The following ADGRG5 variants were observed in gnomAD, a reference collection of about 807,000 sequenced individuals.
ADGRG5 encodes the protein G protein-coupled receptor 114.
Under a neutral mutation model 53.2 loss-of-function variants are expected in ADGRG5, and 37 were observed. The observed-to-expected ratio is 0.70, with a 90% confidence interval of 0.53 to 0.91. The LOEUF (loss-of-function observed/expected upper bound fraction) is 0.91, where lower values mean the gene tolerates loss of function less well. ADGRG5 is among the 40% of genes least tolerant of loss of function. The pLI is 0.00. For missense variants in ADGRG5, 614 were observed against 675.8 expected (o/e 0.91, Z 1.01); for synonymous variants, 277 against 290.4 (o/e 0.95, Z 0.47).
Position 57,566,647 on chromosome 16 carries a change from C to T in ADGRG5, c.595C>T (p.Gln199Ter). Residue 199 changes from glutamine to a stop codon, truncating the protein, a stop_gained, in exon 7 of 12, where the codon CAG (glutamine) becomes TAG (stop). Transcript: ENST00000349457. LOFTEE classifies it high-confidence loss of function. ...CTTCTGGAAGGAGGGAGCCAGGAAA[C>T]AGCCCTGGGGGGGCTGGAGCCCTGA... ...CVFWKEGARK[Q>*]PWGGWSPEGC... 6.3e-7 allele frequency: 1 copy of T among 1,585,132 alleles called. No individual in the cohort carries two copies. Among genetic ancestry groups the T allele is most frequent in the Non-Finnish European group, 8.6e-7 (1 of 1,166,988 alleles).
the ADGRG5 span, among the ~76,000 whole-genome samples, chr16:57,534,977 G>C: frequency 1.3e-5 from 2 of 152,232 alleles, no homozygotes; most frequent in African/African-American, 4.8e-5. Context: ...ACAGGGGCCA[G>C]CTGAAGGGAT....
intron 10 of ADGRG5, among the ~76,000 whole-genome samples, chr16:57,573,775 G>T (rs12102982): frequency 0.061 from 9,235 of 152,230 alleles, 558 homozygotes; most frequent in East Asian, 0.34. Flanking sequence ...AGGCTAGAGT[G>T]CAGTGGTGCG....
rs763377066 is a variant in ADGRG5, at chr16:57,566,655, G to T, written c.603G>T (p.Trp201Cys). Residue 201 changes from tryptophan to cysteine, a missense_variant, in exon 7 of 12, where the codon TGG (tryptophan) becomes TGT (cysteine). By Grantham distance (215) the Trp-to-Cys change is radical. Coordinates refer to ENST00000349457, the MANE Select transcript of ADGRG5 (RefSeq NM_001304376.3). ...AGGAGGGAGCCAGGAAACAGCCCTG[G>T]GGGGGCTGGAGCCCTGAGGGCTGTC... ...FWKEGARKQP[W>C]GGWSPEGCRT... 6.9e-6 allele frequency: 11 copies of T among 1,590,192 alleles called. No individual in the cohort carries two copies. The highest frequency in any genetic ancestry group is 8.6e-6 in the Non-Finnish European group (10 of 1,169,274).
chr16:57,568,713 C>A (rs1430404719), intron 9 of ADGRG5, among the ~76,000 whole-genome samples: 2 of 151,570 alleles, frequency 1.3e-5, no homozygotes, highest in Non-Finnish European at 2.9e-5. Context: ...TCATCACCTC[C>A]TCAACCTCCA....
rs1450694545 is a variant in ADGRG5 at position 57,568,007 on chromosome 16, C to A, written c.973C>A (p.Leu325Met). The change falls in exon 9 of 12, where the codon CTG becomes ATG. Residue 325 changes from leucine to methionine, a missense_variant. Coordinates refer to ENST00000349457, the MANE Select transcript of ADGRG5 (RefSeq NM_001304376.3). The stretch of plus-strand genomic sequence containing the variant: ...TCTGGCCGCTGCCCTGCACTACGCG[C>A]TGCTCAGCTGCCTCACCTGGATGGC... ...TALAAALHYA[L>M]LSCLTWMAIE... 2.5e-6 allele frequency: 4 copies of A among 1,614,064 alleles called. No homozygotes were observed. The highest frequency in any genetic ancestry group is 2.5e-6 in the Non-Finnish European group (3 of 1,179,966).
At position 57,569,623 on chromosome 16, in the gene ADGRG5, A is replaced by G. The variant is rs1212099398; in HGVS notation, c.1091-795A>G. On this transcript the variant is annotated intron_variant, in intron 9 of 11. Transcript: ENST00000349457. ...CTCCTCCACCTCTATCATCGCCATC[A>G]TCACCTCCTCCACCTTCATCATCAC... 2.7e-5 allele frequency among the ~76,000 whole-genome samples: 4 copies of G among 149,236 alleles called. 1 individual carries two copies. The highest frequency in any genetic ancestry group is 5.9e-5 in the Non-Finnish European group (4 of 67,452).
chr16:57,559,239 A>G (rs1164013408), intron 1 of ADGRG5, among the ~76,000 whole-genome samples: 1 of 152,190 alleles, frequency 6.6e-6, no homozygotes. Context: ...GCTTTATAGC[A>G]GGTCAGGGAC....
chr16:57,538,818 C>T (rs1174156046), upstream of ADGRG5, among the ~76,000 whole-genome samples: 2 of 152,292 alleles, frequency 1.3e-5, no homozygotes, highest in East Asian at 1.9e-4. Flanking sequence ...CCCTTATTTA[C>T]CTAGCATTTT....
At chr16:57,551,636 T>C (rs1306706767) in intron 1 of ADGRG5, among the ~76,000 whole-genome samples, 2 of 152,232 alleles carry the variant, frequency 1.3e-5, no homozygotes, top group African/African-American at 2.4e-5. Flanking sequence ...CTGTAATTAC[T>C]TTCCCCACTG....
At chr16:57,546,247 C>A (rs1387177482) in intron 1 of ADGRG5, among the ~76,000 whole-genome samples, 1 of 152,144 alleles carries the variant, frequency 6.6e-6, no homozygotes, top group Non-Finnish European at 1.5e-5. Flanking sequence ...CCTCAGCATC[C>A]CAAGCAGCTG....
chr16:57,552,755 T>A (rs1007373807), intron 1 of ADGRG5, among the ~76,000 whole-genome samples: 1 of 152,238 alleles, frequency 6.6e-6, no homozygotes, highest in Non-Finnish European at 1.5e-5. Flanking sequence ...TGTGAACTGT[T>A]CGGTGCAGGA....
the ADGRG5 span, among the ~76,000 whole-genome samples, chr16:57,532,867 C>T: frequency 2.0e-5 from 3 of 152,186 alleles, no homozygotes; most frequent in Admixed American, 6.5e-5. Context: ...GAATGCCAGC[C>T]GGCAGCTGTG....
intron 1 of ADGRG5, among the ~76,000 whole-genome samples, chr16:57,548,176 C>T (rs1322899188): frequency 7.1e-6 from 1 of 141,710 alleles, no homozygotes; most frequent in African/African-American, 2.6e-5. Flanking sequence ...CTATACACAT[C>T]TTTTTTTTTT....
chr16:57,563,994 G>A lies in ADGRG5; in HGVS notation c.429+15G>A, dbSNP rs375865051. On this transcript the variant is annotated intron_variant, in intron 5 of 11. Transcript: ENST00000349457. Reference sequence around the variant, plus strand: ...ACTTTTTCAAGGTCAGTGTGATGGCGGGCCAAGGAGGGTGGGTGCCGGCCC... The same window carrying A: ...ACTTTTTCAAGGTCAGTGTGATGGCAGGCCAAGGAGGGTGGGTGCCGGCCC... 126 of 1,605,120 alleles carry A rather than the reference G, an allele frequency of 7.8e-5. No individual in the cohort carries two copies. Among genetic ancestry groups the A allele is most frequent in the Non-Finnish European group, 9.8e-5 (115 of 1,173,036 alleles).
intron 1 of ADGRG5, among the ~76,000 whole-genome samples, chr16:57,558,384 A>C (rs1236734458): frequency 1.3e-5 from 2 of 152,180 alleles, no homozygotes; most frequent in Non-Finnish European, 2.9e-5. Context: ...TCCCACAGGA[A>C]TTTTCCCAGT....
chr16:57,536,235 G>T, the ADGRG5 span, among the ~76,000 whole-genome samples: 1 of 149,820 alleles, frequency 6.7e-6, no homozygotes, highest in Non-Finnish European at 1.5e-5. Flanking sequence ...CCCGGGCCGC[G>T]GCATTCCGGA....
At position 57,567,847 on chromosome 16, in the gene ADGRG5, C is replaced by A. The variant is rs780926221; in HGVS notation, c.822-9C>A. 2.0e-5 allele frequency: 32 copies of A among 1,604,402 alleles called. No homozygotes were observed. Among genetic ancestry groups the A allele is most frequent in the Non-Finnish European group, 2.7e-5 (32 of 1,177,640 alleles). On this transcript the variant is annotated splice_polypyrimidine_tract_variant and intron_variant, in intron 8 of 11. Transcript: ENST00000349457. ...CCTGGGCCATGGAGGACCATTCTCT[C>A]ACCTGCAGGAAGCAGAGTGACTCCT...
chr16:57,560,286 C>A (rs1355349372), intron 1 of ADGRG5, among the ~76,000 whole-genome samples: 4 of 152,192 alleles, frequency 2.6e-5, no homozygotes, highest in Non-Finnish European at 4.4e-5. Flanking sequence ...TATACTTTCT[C>A]ATTTTGTTGG....
intron 1 of ADGRG5, among the ~76,000 whole-genome samples, chr16:57,551,883 G>T (rs558703005): frequency 5.9e-5 from 9 of 152,312 alleles, no homozygotes; most frequent in African/African-American, 2.2e-4. Flanking sequence ...AGACTTGAAG[G>T]TCGAAATGAC....
Sources: gnomAD v4.1 joint callset for allele counts (sites outside exome capture counted in the v4.1 genomes callset) on GRCh38, gnomAD v4.1.1 for gene constraint, MANE v1.5 for transcripts, NCBI Gene and HGNC (gene_info 2026-07-23, HGNC 2026-07-21) for gene names.